The following USP45 variants were observed in gnomAD, a reference collection of about 807,000 sequenced individuals.
USP45 encodes ubiquitin specific peptidase 45.
A neutral mutation model predicts 95.8 loss-of-function variants in USP45; 89 were observed. The ratio of observed to expected loss-of-function variants is 0.93; its 90% CI spans 0.78 to 1.11. The LOEUF (loss-of-function observed/expected upper bound fraction) is 1.11. Among genes scored for constraint, USP45 ranks in the 50% least tolerant of loss-of-function variants. The pLI is 0.00. For synonymous variants in USP45, 281 were observed against 316.2 expected (o/e 0.89, Z 1.18); for missense variants, 898 against 942.5 (o/e 0.95, Z 0.62).
Position 99,433,783 on chromosome 6 carries a change from T to G in USP45, c.*1933A>C, listed in dbSNP as rs892989869. On this transcript the variant is annotated 3_prime_UTR_variant, in exon 18 of 18. Transcript: ENST00000500704. ...GTGACTGACTCATAGCAAGTATGGG[T>G]ATCTATCCAAATATTTGTCTTTGAA... 2 of 152,188 alleles carry G rather than the reference T, an allele frequency of 1.3e-5. No individual in the cohort carries two copies. Among genetic ancestry groups the G allele is most frequent in the Non-Finnish European group, 2.9e-5 (2 of 68,036 alleles). The allele number at this position is 152,188 out of a possible 1,614,324, so 9.4% of individuals were successfully genotyped here.
chr6:99,490,571 T>C (rs942315323), intron 5 of USP45, among the ~76,000 whole-genome samples: 2 of 152,036 alleles, frequency 1.3e-5, no homozygotes, highest in African/African-American at 4.8e-5. Context: ...TTATAAATAT[T>C]TGGCTGATTG....
rs528170973 is a variant in USP45 at position 99,505,034 on chromosome 6, T to C, written c.378-1169A>G. Among the ~76,000 whole-genome samples, 12 of 152,308 alleles carry C rather than the reference T, an allele frequency of 7.9e-5. No individual in the cohort carries two copies. The South Asian group carries it at 2.5e-3, about 32-fold the overall frequency. On this transcript the variant is annotated intron_variant, in intron 4 of 17. Transcript: ENST00000500704. ...TATAGGTAAATTCATTATACCACTCTGTCTACTTTTGTTAACAGGCTAAAA... is the reference window on the plus strand; with the variant it reads ...TATAGGTAAATTCATTATACCACTCCGTCTACTTTTGTTAACAGGCTAAAA...
intron 5 of USP45, among the ~76,000 whole-genome samples, chr6:99,497,119 A>AT (rs1260210251): frequency 7.4e-4 from 110 of 148,476 alleles, no homozygotes; most frequent in South Asian, 2.2e-3. Flanking sequence ...TCAACCACTG[A>AT]TTTTTTTTTT....
At chr6:99,451,843 T>C (rs557795032) in intron 13 of USP45, among the ~76,000 whole-genome samples, 4 of 152,102 alleles carry the variant, frequency 2.6e-5, no homozygotes, top group African/African-American at 9.6e-5. Context: ...TATAGACCAA[T>C]GGAACAGAAC....
intron 2 of USP45, 102 bp downstream of exon 2, chr6:99,510,019 T>A: frequency 2.3e-6 from 2 of 865,084 alleles, no homozygotes; most frequent in East Asian, 2.5e-5. Context: ...AAAAAATTTG[T>A]GTACAAGTTG....
chr6:99,503,868 G>T lies in USP45; in HGVS notation c.378-3C>A. 6.5e-7 allele frequency: 1 copy of T among 1,532,688 alleles called. No homozygotes were observed. Among genetic ancestry groups the T allele is most frequent in the South Asian group, 1.3e-5 (1 of 77,756 alleles). 94.9% of individuals were successfully genotyped at this position (1,532,688 alleles called of 1,614,324 possible). A position where few individuals can be genotyped will look rare whatever the true frequency, so the allele number is the denominator to read the frequency against. ...ATTTTTCATCACATTCATAACACCT[G>T]AAAAAGTATAAAATTTAAGAAAATA... On this transcript the variant is annotated splice_region_variant and splice_polypyrimidine_tract_variant and intron_variant, in intron 4 of 17. Transcript: ENST00000500704.
intron 9 of USP45, 68 bp from the exon 10 acceptor site, chr6:99,468,686 G>A: frequency 2.8e-6 from 3 of 1,076,888 alleles, no homozygotes; most frequent in Non-Finnish European, 4.1e-6. Flanking sequence ...CCTAATAAAA[G>A]TACTTTCAAA....
chr6:99,510,339 C>A, intron 1 of USP45, 109 bp from the exon 2 acceptor site: 6 of 680,070 alleles, frequency 8.8e-6, no homozygotes, highest in South Asian at 4.3e-5. Context: ...TCAACTGGTC[C>A]GGGAAATCAA....
chr6:99,474,077 G>A (rs903591818), intron 9 of USP45, among the ~76,000 whole-genome samples: 5 of 152,124 alleles, frequency 3.3e-5, no homozygotes, highest in African/African-American at 9.7e-5. Context: ...GCAGGAGAGA[G>A]TAATTAACTC....
intron 4 of USP45, among the ~76,000 whole-genome samples, chr6:99,506,000 T>C (rs994866305): frequency 1.3e-5 from 2 of 152,194 alleles, no homozygotes; most frequent in African/African-American, 4.8e-5. Flanking sequence ...GTTCCCTCTG[T>C]TCTTTCGTCA....
intron 5 of USP45, among the ~76,000 whole-genome samples, chr6:99,500,662 C>T (rs1224002267): frequency 6.6e-6 from 1 of 152,186 alleles, no homozygotes. Context: ...ACTTAATGCT[C>T]ATTTTTCAGC....
rs371680612 is a variant in USP45 at position 99,508,736 on chromosome 6, A to G, written c.147T>C (p.His49=). Residue 49 remains histidine (H), a synonymous_variant, in exon 3 of 18, where the codon CAT becomes CAC. Transcript: ENST00000500704. ...GATTCTCAGCTATTGCTCTCTTTAC[A>G]TGATTCACGCTGATAGCATGACTTA... is the stretch of plus-strand genomic sequence containing the variant. ...QHVSHAISVN[H]VKRAIAENLW... is the part of the protein sequence containing the mutation. 18 of 1,613,512 alleles carry G rather than the reference A, an allele frequency of 1.1e-5. No individual in the cohort carries two copies. Among genetic ancestry groups the G allele is most frequent in the Non-Finnish European group, 1.3e-5 (15 of 1,179,892 alleles).
intron 13 of USP45, among the ~76,000 whole-genome samples, chr6:99,459,269 C>T (rs1036298256): frequency 4.6e-5 from 7 of 152,080 alleles, no homozygotes; most frequent in East Asian, 1.9e-4. Context: ...AGTTTGCTAA[C>T]GACAATGGCC....
chr6:99,503,877 T>G lies in USP45; in HGVS notation c.378-12A>C. On this transcript the variant is annotated splice_polypyrimidine_tract_variant and intron_variant, in intron 4 of 17. Transcript: ENST00000500704. ...CACATTCATAACACCTGAAAAAGTA[T>G]AAAATTTAAGAAAATATTATGAAAA... The G allele has an allele frequency of 6.7e-7, 1 of 1,495,104 alleles. No homozygotes were observed. The highest frequency in any genetic ancestry group is 9.0e-7 in the Non-Finnish European group (1 of 1,105,620). 92.6% of individuals were successfully genotyped at this position (1,495,104 alleles called of 1,614,324 possible).
intron 7 of USP45, among the ~76,000 whole-genome samples, chr6:99,484,110 G>A (rs914302722): frequency 2.1e-5 from 3 of 143,034 alleles, no homozygotes; most frequent in East Asian, 2.2e-4. Context: ...AGCTGGGATC[G>A]CAGGCATGAG....
chr6:99,468,850 G>A (rs1788608440), intron 9 of USP45, among the ~76,000 whole-genome samples: 2 of 152,000 alleles, frequency 1.3e-5, no homozygotes, highest in Admixed American at 1.3e-4. Flanking sequence ...TTACATTTAG[G>A]TTCTCTCTTG....
At chr6:99,440,391 C>A (rs1274142903) in intron 15 of USP45, among the ~76,000 whole-genome samples, 1 of 152,128 alleles carries the variant, frequency 6.6e-6, no homozygotes, top group Non-Finnish European at 1.5e-5. Flanking sequence ...CTTTTATGTT[C>A]TTAAATATGC....
intron 5 of USP45, among the ~76,000 whole-genome samples, chr6:99,494,431 G>A (rs1391280892): frequency 6.6e-6 from 1 of 151,952 alleles, no homozygotes. Flanking sequence ...TGTACCTCAA[G>A]TCTTCAAAGA....
chr6:99,497,754 C>A (rs1485969341), intron 5 of USP45, among the ~76,000 whole-genome samples: 1 of 152,194 alleles, frequency 6.6e-6, no homozygotes, highest in Non-Finnish European at 1.5e-5. Flanking sequence ...TCTATCTGTA[C>A]AAGGCCCTTA....
Sources: gnomAD v4.1 joint callset for allele counts (sites outside exome capture counted in the v4.1 genomes callset) on GRCh38, gnomAD v4.1.1 for gene constraint, MANE v1.5 for transcripts, NCBI Gene and HGNC (gene_info 2026-07-23, HGNC 2026-07-21) for gene names.